DLG2: variants seen among roughly 807,000 people sequenced by gnomAD.
DLG2 encodes the protein discs large MAGUK scaffold protein 2, also known as disks large homolog 2.
In DLG2, 45 loss-of-function variants were observed where a neutral mutation model predicts 132.5. The ratio of observed to expected loss-of-function variants is 0.34; its 90% confidence interval spans 0.27 to 0.44. DLG2 has a LOEUF of 0.44. Ranked by LOEUF, DLG2 falls within the 20% of genes least tolerant of loss-of-function variation. The pLI, the probability that DLG2 is intolerant of heterozygous loss-of-function variation, is 1.00. For missense variants in DLG2, 1,045 were observed against 1,196.9 expected, an observed-to-expected ratio of 0.87 and a Z score of 1.87; for synonymous variants, 424 against 419.6, an observed-to-expected ratio of 1.01 and a Z score of -0.13.
intron 19 of DLG2, among the ~76,000 whole-genome samples, chr11:83,624,766 C>T (rs75759359): frequency 0.014 from 2,150 of 152,216 alleles, 55 homozygotes; most frequent in African/African-American, 0.045. Context: ...TTATCCATAA[C>T]GATAAGTTAT....
At chr11:85,142,537 A>G (rs530053403) in intron 5 of DLG2, among the ~76,000 whole-genome samples, 1 of 151,850 alleles carries the variant, frequency 6.6e-6, no homozygotes, top group African/African-American at 2.4e-5. Context: ...CTTTCATTCC[A>G]ATTTGGATGC....
chr11:84,170,034 T>C (rs547801775), intron 8 of DLG2, among the ~76,000 whole-genome samples: 3 of 152,342 alleles, frequency 2.0e-5, no homozygotes, highest in South Asian at 4.1e-4. Context: ...TATATCCTCA[T>C]GTTCATGAGA....
chr11:84,273,306 GAA>G (rs752762450), intron 7 of DLG2: 27,681 of 762,854 alleles, frequency 0.036, no homozygotes, highest in Middle Eastern at 0.045. Context: ...AGTTGAAGAG[GAA>G]AAAAAAAAAA....
chr11:83,681,644 C>T lies in DLG2; in HGVS notation c.1826-48319G>A, dbSNP rs2078836058. ...CCACCATACTGAGTTTCACAATAATCGCCACAATGCCAATTATTCACAGCC... is the reference window on the plus strand; with the variant it reads ...CCACCATACTGAGTTTCACAATAATTGCCACAATGCCAATTATTCACAGCC... On this transcript the variant is annotated intron_variant, in intron 18 of 27. Coordinates refer to ENST00000376104, the MANE Select transcript of DLG2 (RefSeq NM_001142699.3). 2.0e-5 allele frequency among the ~76,000 whole-genome samples: 3 copies of T among 152,148 alleles called. No homozygotes were observed. In the South Asian group the frequency reaches 6.2e-4, roughly 31 times the overall value.
intron 15 of DLG2, among the ~76,000 whole-genome samples, chr11:83,901,209 G>T (rs1166151928): frequency 6.6e-6 from 1 of 152,184 alleles, no homozygotes; most frequent in Non-Finnish European, 1.5e-5. Flanking sequence ...GAAGGGACTT[G>T]CCTTGTCTTA....
chr11:85,424,071 A>G (rs2090527749), intron 3 of DLG2, among the ~76,000 whole-genome samples: 1 of 152,296 alleles, frequency 6.6e-6, no homozygotes, highest in East Asian at 1.9e-4. Context: ...CCAGGCAAAA[A>G]TGGCTTGCTA....
intron 7 of DLG2, among the ~76,000 whole-genome samples, chr11:84,345,355 T>C (rs984252977): frequency 1.3e-5 from 2 of 152,216 alleles, no homozygotes; most frequent in African/African-American, 4.8e-5. Context: ...GAGTAAATAC[T>C]AAGCCCTTAA....
chr11:84,206,059 G>A (rs1232530117), intron 8 of DLG2, among the ~76,000 whole-genome samples: 2 of 152,004 alleles, frequency 1.3e-5, no homozygotes, highest in African/African-American at 4.8e-5. Flanking sequence ...ACATTTCTAT[G>A]CTAGTAAACT....
chr11:85,469,967 C>T (rs2092927940), intron 3 of DLG2, among the ~76,000 whole-genome samples: 1 of 152,100 alleles, frequency 6.6e-6, no homozygotes, highest in Non-Finnish European at 1.5e-5. Context: ...ATCCAAAGCC[C>T]TTACTTTAGC....
chr11:85,344,571 C>A (rs1217170873), intron 3 of DLG2, among the ~76,000 whole-genome samples: 1 of 152,112 alleles, frequency 6.6e-6, no homozygotes, highest in Non-Finnish European at 1.5e-5. Context: ...ACTGTTTCCA[C>A]TGTAGTTTCT....
chr11:84,516,437 CTATTATA>C (rs2099273334), intron 7 of DLG2, among the ~76,000 whole-genome samples: 1 of 151,408 alleles, frequency 6.6e-6, no homozygotes, highest in East Asian at 1.9e-4. Flanking sequence ...CTATTATGAA[CTATTATA>C]TATGGACAAA....
chr11:84,430,675 C>T (rs1306577655), intron 7 of DLG2, among the ~76,000 whole-genome samples: 1 of 152,164 alleles, frequency 6.6e-6, no homozygotes, highest in African/African-American at 2.4e-5. Flanking sequence ...TTCTCTGATC[C>T]TGCCCTTTGT....
chr11:83,712,922 A>G lies in DLG2; in HGVS notation c.1825+73768T>C, dbSNP rs564257395. On this transcript the variant is annotated intron_variant, in intron 18 of 27. Transcript: ENST00000376104. Reference sequence around the variant, plus strand: ...AAATCACCGTGGCACAAGTTTACCTATGTAATAAACCTGCGCATCCTGCCC... The same window carrying G: ...AAATCACCGTGGCACAAGTTTACCTGTGTAATAAACCTGCGCATCCTGCCC... Among the ~76,000 whole-genome samples, 5 of 152,184 alleles carry G rather than the reference A, an allele frequency of 3.3e-5. No homozygotes were observed. The South Asian group carries it at 6.2e-4, about 19-fold the overall frequency.
rs370651489 is a variant in DLG2, at chr11:85,464,890, T to G, written c.40+133767A>C. 5.4e-4 allele frequency among the ~76,000 whole-genome samples: 81 copies of G among 151,194 alleles called. 1 individual carries two copies. The highest frequency in any genetic ancestry group is 1.9e-3 in the African/African-American group (80 of 41,170). ...GAGTTTGAGACCAGCCTGGCCAACATGGTGACACCCCGTCTCTACTAAAAA... is the reference window on the plus strand; with the variant it reads ...GAGTTTGAGACCAGCCTGGCCAACAGGGTGACACCCCGTCTCTACTAAAAA... On this transcript the variant is annotated intron_variant, in intron 3 of 27. Transcript: ENST00000376104.
chr11:85,078,207 C>G (rs2066795639), intron 6 of DLG2, among the ~76,000 whole-genome samples: 1 of 148,656 alleles, frequency 6.7e-6, no homozygotes, highest in Non-Finnish European at 1.5e-5. Flanking sequence ...TCTAGTATGT[C>G]AAGTAGTGAT....
At chr11:85,171,995 C>T (rs531260350) in intron 4 of DLG2, among the ~76,000 whole-genome samples, 59 of 152,332 alleles carry the variant, frequency 3.9e-4, no homozygotes, top group African/African-American at 1.4e-3. Context: ...GGCCACTGTC[C>T]CTGTGGTTCA....
At chr11:85,501,026 A>T (rs2153127740) in intron 3 of DLG2, among the ~76,000 whole-genome samples, 1 of 152,328 alleles carries the variant, frequency 6.6e-6, no homozygotes, top group East Asian at 1.9e-4. Context: ...CTTTACTACA[A>T]GTCTACAGTA....
intron 6 of DLG2, among the ~76,000 whole-genome samples, chr11:84,846,128 T>G (rs913446145): frequency 6.6e-6 from 1 of 152,140 alleles, no homozygotes; most frequent in Admixed American, 6.6e-5. Flanking sequence ...ATCTAGAATC[T>G]TATCCTCTTA....
intron 11 of DLG2, among the ~76,000 whole-genome samples, chr11:84,051,775 TAAAAAAAAAG>T (rs2096389185): frequency 1.4e-5 from 2 of 145,018 alleles, no homozygotes; most frequent in Admixed American, 1.4e-4. Flanking sequence ...AAGTATAATA[TAAAAAAAAAG>T]AAAAAAAAAG....
Sources: gnomAD v4.1 joint callset for allele counts (sites outside exome capture counted in the v4.1 genomes callset) on GRCh38, gnomAD v4.1.1 for gene constraint, MANE v1.5 for transcripts, NCBI Gene and HGNC (gene_info 2026-07-23, HGNC 2026-07-21) for gene names.